The following NECAB1 variants were observed in gnomAD, a reference collection of about 807,000 sequenced individuals.
The protein encoded by NECAB1 is N-terminal EF-hand calcium binding protein 1.
Under a neutral mutation model 57.5 loss-of-function variants are expected in NECAB1, and 29 were observed. That is an observed-to-expected ratio of 0.50 (90% confidence interval 0.38 to 0.69). The LOEUF is 0.69. Ranked by LOEUF, NECAB1 falls within the 30% of genes least tolerant of loss-of-function variation. NECAB1 has a pLI of 0.00. For synonymous variants in NECAB1, 142 were observed against 147.7 expected (o/e 0.96, Z 0.28); for missense variants, 372 against 413.8 (o/e 0.90, Z 0.88).
At chr8:90,825,303 C>G (rs1301660382) in intron 3 of NECAB1, among the ~76,000 whole-genome samples, 9 of 151,786 alleles carry the variant, frequency 5.9e-5, no homozygotes, top group Admixed American at 5.3e-4. Flanking sequence ...CTCTGGAGAG[C>G]CAATGTATAT....
chr8:90,891,779 C>T (rs1332349111), intron 5 of NECAB1, among the ~76,000 whole-genome samples: 1 of 151,846 alleles, frequency 6.6e-6, no homozygotes, highest in Non-Finnish European at 1.5e-5. Flanking sequence ...TTGCAACCTC[C>T]ACCTCCCAGG....
chr8:90,891,097 C>A (rs1192274536), intron 5 of NECAB1, among the ~76,000 whole-genome samples: 1 of 152,122 alleles, frequency 6.6e-6, no homozygotes, highest in African/African-American at 2.4e-5. Flanking sequence ...GTAATAGAAA[C>A]AAAAGTGTGA....
intron 4 of NECAB1, among the ~76,000 whole-genome samples, chr8:90,874,228 C>A (rs1450774194): frequency 6.6e-6 from 1 of 152,154 alleles, no homozygotes; most frequent in Admixed American, 6.5e-5. Flanking sequence ...GTGGGAGGGG[C>A]AGAACTTGAT....
At chr8:90,860,889 T>C (rs996364824) in intron 3 of NECAB1, among the ~76,000 whole-genome samples, 1 of 152,130 alleles carries the variant, frequency 6.6e-6, no homozygotes, top group African/African-American at 2.4e-5. Context: ...TTTAGGGTAT[T>C]GTGAGGGAAG....
chr8:90,806,230 C>G (rs1304622281), intron 2 of NECAB1, among the ~76,000 whole-genome samples: 1 of 152,084 alleles, frequency 6.6e-6, no homozygotes, highest in African/African-American at 2.4e-5. Flanking sequence ...ATCACTGTTC[C>G]CTCTAAGAGA....
intron 3 of NECAB1, among the ~76,000 whole-genome samples, chr8:90,866,499 A>G (rs1306473858): frequency 1.3e-5 from 2 of 152,242 alleles, no homozygotes; most frequent in Non-Finnish European, 2.9e-5. Context: ...TGATGGGTGA[A>G]GAAGAGAAAA....
chr8:90,793,773 A>G (rs1219372755), intron 1 of NECAB1, among the ~76,000 whole-genome samples: 3 of 152,252 alleles, frequency 2.0e-5, no homozygotes, highest in African/African-American at 4.8e-5. Flanking sequence ...TTTAAAAAGC[A>G]CTTAACAAAC....
At chr8:90,911,167 A>T (rs1311026634) in intron 5 of NECAB1, among the ~76,000 whole-genome samples, 3 of 152,178 alleles carry the variant, frequency 2.0e-5, no homozygotes, top group African/African-American at 7.2e-5. Flanking sequence ...ATACAGAACA[A>T]GAACTGGGCC....
At chr8:90,883,932 T>C (rs182742884) in intron 5 of NECAB1, among the ~76,000 whole-genome samples, 1 of 152,354 alleles carries the variant, frequency 6.6e-6, no homozygotes, top group African/African-American at 2.4e-5. Context: ...AAAGCAAATG[T>C]AGAATTCTGA....
At chr8:90,798,650 T>C (rs1342932174) in intron 1 of NECAB1, among the ~76,000 whole-genome samples, 1 of 152,234 alleles carries the variant, frequency 6.6e-6, no homozygotes, top group Non-Finnish European at 1.5e-5. Flanking sequence ...TATGGCTGTG[T>C]AGTATTCCAT....
chr8:90,865,001 A>AG (rs1392746957), intron 3 of NECAB1, among the ~76,000 whole-genome samples: 1 of 152,110 alleles, frequency 6.6e-6, no homozygotes, highest in Non-Finnish European at 1.5e-5. Flanking sequence ...GCGCAAATGG[A>AG]GAACTATGAT....
In NECAB1 at chr8:90,875,844, CA is replaced by C. The variant is rs5893141; in HGVS notation, c.259+3708del. Among the ~76,000 whole-genome samples, 185 of 88,402 alleles carry C rather than the reference CA, an allele frequency of 2.1e-3. 3 individuals carry two copies. The highest frequency in any genetic ancestry group is 9.2e-3 in the South Asian group (21 of 2,274). 58.0% of individuals were successfully genotyped at this position (88,402 alleles called of 152,430 possible). A position where few individuals can be genotyped will look rare whatever the true frequency, so the allele number is the denominator to read the frequency against. On this transcript the variant is annotated intron_variant, in intron 4 of 12. Coordinates refer to ENST00000417640, the MANE Select transcript of NECAB1 (RefSeq NM_022351.5). ...TGAAACCCCATCTCTACTAAAAATA[CA>C]AAAAAAAAAAAAAAAATTACCGGGC...
intron 3 of NECAB1, among the ~76,000 whole-genome samples, chr8:90,836,369 A>C (rs1205558158): frequency 1.3e-5 from 2 of 152,214 alleles, no homozygotes; most frequent in African/African-American, 4.8e-5. Context: ...AGAAGAAGAA[A>C]ACTGGGCATG....
chr8:90,842,848 C>T (rs530834037), intron 3 of NECAB1, among the ~76,000 whole-genome samples: 5 of 152,142 alleles, frequency 3.3e-5, no homozygotes, highest in South Asian at 2.1e-4. Context: ...GCTAATGGTA[C>T]GTGATTATAA....
chr8:90,810,563 A>G (rs1467630629), intron 2 of NECAB1, among the ~76,000 whole-genome samples: 1 of 152,228 alleles, frequency 6.6e-6, no homozygotes, highest in African/African-American at 2.4e-5. Context: ...CCAAGTAAAT[A>G]TAGTTAAAGT....
At chr8:90,906,478 C>T (rs1809652652) in intron 5 of NECAB1, among the ~76,000 whole-genome samples, 1 of 152,086 alleles carries the variant, frequency 6.6e-6, no homozygotes, top group African/African-American at 2.4e-5. Context: ...TTGTTAAAAT[C>T]TGGAACTTAA....
intron 3 of NECAB1, among the ~76,000 whole-genome samples, chr8:90,866,411 CT>C (rs1808514161): frequency 6.6e-6 from 1 of 152,108 alleles, no homozygotes; most frequent in Non-Finnish European, 1.5e-5. Context: ...CACTTTTAGG[CT>C]ATTAAGGGGT....
At chr8:90,849,320 T>C (rs1812634576) in intron 3 of NECAB1, among the ~76,000 whole-genome samples, 1 of 151,538 alleles carries the variant, frequency 6.6e-6, no homozygotes. Context: ...AATTAAATAA[T>C]TAGGTGAGTG....
chr8:90,951,635 G>A (rs1810925792), intron 12 of NECAB1, among the ~76,000 whole-genome samples: 1 of 152,080 alleles, frequency 6.6e-6, no homozygotes, highest in Admixed American at 6.6e-5. Context: ...TACTGGTACT[G>A]ATTGAGCTCC....
Sources: allele counts gnomAD v4.1 joint callset (sites outside exome capture counted in the v4.1 genomes callset), GRCh38; gene constraint gnomAD v4.1.1; transcripts MANE v1.5; gene names NCBI Gene and HGNC (gene_info 2026-07-23, HGNC 2026-07-21).